ARMC2: variants seen among roughly 807,000 people sequenced by gnomAD.
The protein encoded by ARMC2 is armadillo repeat containing 2, also known as armadillo repeat-containing protein 2.
A neutral mutation model predicts 90.3 loss-of-function variants in ARMC2; 67 were observed. The ratio of observed to expected loss-of-function variants is 0.74; its 90% confidence interval spans 0.61 to 0.91. The LOEUF (loss-of-function observed/expected upper bound fraction) is 0.91, where lower values mean the gene tolerates loss of function less well. ARMC2 is among the 40% of genes least tolerant of loss of function. The pLI is 0.00. For synonymous variants in ARMC2, 393 were observed against 393.0 expected (o/e 1.00, Z 0.00); for missense variants, 920 against 1,030.9 (o/e 0.89, Z 1.47).
intron 10 of ARMC2, among the ~76,000 whole-genome samples, chr6:108,922,081 G>A (rs1487065109): frequency 1.3e-5 from 2 of 152,190 alleles, no homozygotes; most frequent in Admixed American, 1.3e-4. Context: ...TGAGGACAGA[G>A]TACTCTGATG....
chr6:109,004,883 C>G, the ARMC2 span, among the ~76,000 whole-genome samples: 2 of 152,258 alleles, frequency 1.3e-5, no homozygotes, highest in South Asian at 4.1e-4. Flanking sequence ...AAAGTTTGAT[C>G]ACAGGCTGTA....
intron 10 of ARMC2, among the ~76,000 whole-genome samples, chr6:108,914,445 C>G (rs1773752377): frequency 6.6e-6 from 1 of 152,110 alleles, no homozygotes. Context: ...CCTCACTGCC[C>G]ACCACCACCT....
At chr6:109,008,750 C>T in the ARMC2 span, 8 of 982,960 alleles carry the variant, frequency 8.1e-6, no homozygotes, top group Non-Finnish European at 8.5e-6. Context: ...AATTAAGTAC[C>T]TCTTTCTAAA....
chr6:108,929,216 T>C (rs1488782334), intron 11 of ARMC2, among the ~76,000 whole-genome samples: 2 of 152,142 alleles, frequency 1.3e-5, no homozygotes, highest in South Asian at 2.1e-4. Flanking sequence ...ATCTAATGCA[T>C]TGTAGAATCA....
At chr6:108,992,291 T>C in the ARMC2 span, among the ~76,000 whole-genome samples, 148 of 152,166 alleles carry the variant, frequency 9.7e-4, 4 homozygotes, top group South Asian at 0.029. Flanking sequence ...TATTTTTATT[T>C]TTTTTGTGGA....
chr6:109,045,475 T>C, the ARMC2 span, among the ~76,000 whole-genome samples: 2 of 152,214 alleles, frequency 1.3e-5, no homozygotes, highest in African/African-American at 2.4e-5. Flanking sequence ...CATTTCAGAT[T>C]GCATCTCTGC....
chr6:108,855,103 GTCTGGA>G (rs1438208965), intron 2 of ARMC2, among the ~76,000 whole-genome samples: 3 of 152,086 alleles, frequency 2.0e-5, no homozygotes, highest in Non-Finnish European at 4.4e-5. Flanking sequence ...ATATTCCATT[GTCTGGA>G]TGTACCACAG....
At chr6:108,927,952 TG>T in intron 10 of ARMC2, 135 bp from the exon 11 acceptor site, 1 of 830,324 alleles carries the variant, frequency 1.2e-6, no homozygotes, top group Non-Finnish European at 1.8e-6. Context: ...TCACATTCCC[TG>T]GTGGGAGATG....
At chr6:109,004,819 C>T in the ARMC2 span, among the ~76,000 whole-genome samples, 1 of 152,120 alleles carries the variant, frequency 6.6e-6, no homozygotes, top group Non-Finnish European at 1.5e-5. Flanking sequence ...AAAACAACTG[C>T]AAGTTAACTA....
chr6:109,040,126 G>A, the ARMC2 span, among the ~76,000 whole-genome samples: 1 of 152,162 alleles, frequency 6.6e-6, no homozygotes, highest in Non-Finnish European at 1.5e-5. Flanking sequence ...CATGAGATAA[G>A]AGATTATTAT....
At chr6:108,912,691 A>C (rs1254782137) in intron 10 of ARMC2, 133 bp downstream of exon 10, 2 of 749,258 alleles carry the variant, frequency 2.7e-6, no homozygotes, top group Non-Finnish European at 2.2e-6. Context: ...GGCAGCAGCC[A>C]TAGCCCACCT....
chr6:108,935,650 C>A lies in ARMC2; in HGVS notation c.1497-1250C>A, dbSNP rs1188019659. On this transcript the variant is annotated intron_variant, in intron 11 of 17. Coordinates refer to ENST00000392644, the MANE Select transcript of ARMC2 (RefSeq NM_032131.6). ...TAGAGACGGGGTTTCGCCATGTTAG[C>A]CAGGCTGGTCTTGAACTCCTGGCCT... Among the ~76,000 whole-genome samples the A allele has an allele frequency of 2.6e-5, 4 of 152,144 alleles. No individual in the cohort carries two copies. In the East Asian group the frequency reaches 7.7e-4, roughly 29 times the overall value.
the ARMC2 span, chr6:109,009,467 G>C: frequency 3.1e-6 from 4 of 1,274,706 alleles, no homozygotes; most frequent in South Asian, 5.3e-5. Context: ...GCATGTCGGC[G>C]CGGGGACGGC....
chr6:108,956,433 G>A (rs754950329), intron 13 of ARMC2, among the ~76,000 whole-genome samples: 43 of 151,882 alleles, frequency 2.8e-4, no homozygotes, highest in Admixed American at 1.6e-3. Flanking sequence ...ACGGTGGTTC[G>A]CGCCTATAAT....
chr6:108,975,115 C>A (rs1009103841), downstream of ARMC2, among the ~76,000 whole-genome samples: 1 of 151,876 alleles, frequency 6.6e-6, no homozygotes, highest in Non-Finnish European at 1.5e-5. Flanking sequence ...CATAACCCAT[C>A]ATCTACATTA....
rs191626905 is a variant in ARMC2, at chr6:108,889,746, C to A, written c.672-4721C>A. Among the ~76,000 whole-genome samples, 373 of 151,862 alleles carry A rather than the reference C, an allele frequency of 2.5e-3. 6 individuals are homozygous for A. Among genetic ancestry groups the A allele is most frequent in the African/African-American group, 8.7e-3 (360 of 41,270 alleles). On this transcript the variant is annotated intron_variant, in intron 5 of 17. Transcript: ENST00000392644. ...TTACAGTCGTGAGCCACCATGCCGGCCAACTTTTATTCTTTTAAGGCCCAT... is the reference window on the plus strand; with the variant it reads ...TTACAGTCGTGAGCCACCATGCCGGACAACTTTTATTCTTTTAAGGCCCAT...
chr6:109,025,320 G>T, the ARMC2 span, among the ~76,000 whole-genome samples: 1 of 151,834 alleles, frequency 6.6e-6, no homozygotes, highest in Non-Finnish European at 1.5e-5. Flanking sequence ...GCTCTTAAAA[G>T]CAAGGTAAAT....
At chr6:108,890,339 C>G (rs1770881314) in intron 5 of ARMC2, among the ~76,000 whole-genome samples, 1 of 150,432 alleles carries the variant, frequency 6.6e-6, no homozygotes. Flanking sequence ...CAAGTGATTA[C>G]TGACTCATAA....
chr6:108,881,905 C>T lies in ARMC2; in HGVS notation c.671+5555C>T, dbSNP rs73526004. On this transcript the variant is annotated intron_variant, in intron 5 of 17. Coordinates refer to ENST00000392644, the MANE Select transcript of ARMC2 (RefSeq NM_032131.6). ...ATTTAAGCTACAGAATACCTCCGTT[C>T]GCTCTCTCTATGGATCCTTATTCAG... is the stretch of plus-strand genomic sequence containing the variant. 5.5e-3 allele frequency among the ~76,000 whole-genome samples: 833 copies of T among 152,260 alleles called. 6 individuals are homozygous for T. Among genetic ancestry groups the T allele is most frequent in the African/African-American group, 0.019 (790 of 41,550 alleles).
Sources: gnomAD v4.1 joint callset for allele counts (sites outside exome capture counted in the v4.1 genomes callset) on GRCh38, gnomAD v4.1.1 for gene constraint, MANE v1.5 for transcripts, NCBI Gene and HGNC (gene_info 2026-07-23, HGNC 2026-07-21) for gene names.